EXOC6B: variants seen among roughly 807,000 people sequenced by gnomAD.
EXOC6B encodes the protein SEC15 homolog B.
In EXOC6B, 54 loss-of-function variants were observed where a neutral mutation model predicts 113.5. That is an observed-to-expected ratio of 0.48 (90% CI 0.38 to 0.60). The LOEUF (loss-of-function observed/expected upper bound fraction) is 0.60, where lower values mean the gene tolerates loss of function less well. Among genes scored for constraint, EXOC6B ranks in the 20% least tolerant of loss-of-function variants. The pLI, the probability that EXOC6B is intolerant of heterozygous loss-of-function variation, is 0.00. For missense variants in EXOC6B, 797 were observed against 977.5 expected, an observed-to-expected ratio of 0.82 and a Z score of 2.46; for synonymous variants, 357 against 339.0, an observed-to-expected ratio of 1.05 and a Z score of -0.58.
intron 19 of EXOC6B, among the ~76,000 whole-genome samples, chr2:72,348,807 G>C (rs1025526339): frequency 1.2e-4 from 18 of 152,100 alleles, no homozygotes; most frequent in Admixed American, 1.2e-3. Context: ...TCTTGAGCAA[G>C]GTGGAGGTAT....
intron 18 of EXOC6B, among the ~76,000 whole-genome samples, chr2:72,388,889 A>G (rs1692211845): frequency 6.6e-6 from 1 of 152,104 alleles, no homozygotes; most frequent in Non-Finnish European, 1.5e-5. Flanking sequence ...AATGATTAGT[A>G]TTTGCATGGT....
chr2:72,196,623 T>C (rs1456065120), intron 20 of EXOC6B, among the ~76,000 whole-genome samples: 5 of 152,200 alleles, frequency 3.3e-5, no homozygotes, highest in African/African-American at 4.8e-5. Flanking sequence ...AGGGATCATT[T>C]TTGTTTGTTT....
rs1439373380 is a variant in EXOC6B, at chr2:72,795,913, G to A, written c.113+29885C>T. Among the ~76,000 whole-genome samples the A allele has an allele frequency of 7.9e-5, 12 of 151,982 alleles. No individual in the cohort carries two copies. In the East Asian group the frequency reaches 2.4e-3, roughly 31 times the overall value. On this transcript the variant is annotated intron_variant, in intron 1 of 21. Coordinates refer to ENST00000272427, the MANE Select transcript of EXOC6B (RefSeq NM_015189.3). ...ACAATCTCGGTTAACTGCAACCTCT[G>A]CCTCCCAAGTTCAAGTGATTCTCCT...
chr2:72,774,646 T>A (rs1448624636), intron 1 of EXOC6B, among the ~76,000 whole-genome samples: 1 of 152,192 alleles, frequency 6.6e-6, no homozygotes, highest in Non-Finnish European at 1.5e-5. Context: ...TTATTCATAA[T>A]AGCCAATGAA....
At chr2:72,546,237 T>C (rs1040935547) in intron 8 of EXOC6B, among the ~76,000 whole-genome samples, 8 of 152,138 alleles carry the variant, frequency 5.3e-5, no homozygotes, top group African/African-American at 1.9e-4. Context: ...TCACCTGAAA[T>C]CAAGAGTTGG....
chr2:72,207,483 G>T (rs1214564669), intron 20 of EXOC6B, among the ~76,000 whole-genome samples: 1 of 152,182 alleles, frequency 6.6e-6, no homozygotes, highest in African/African-American at 2.4e-5. Context: ...TATTGAAATA[G>T]TTAATTCACG....
At chr2:72,581,671 T>C (rs1318451695) in intron 6 of EXOC6B, among the ~76,000 whole-genome samples, 1 of 152,160 alleles carries the variant, frequency 6.6e-6, no homozygotes, top group African/African-American at 2.4e-5. Context: ...TTGGGTTGCC[T>C]CCACCTCCCG....
chr2:72,547,963 A>T (rs772054127), intron 8 of EXOC6B, among the ~76,000 whole-genome samples: 7 of 152,146 alleles, frequency 4.6e-5, no homozygotes, highest in Non-Finnish European at 8.8e-5. Context: ...CCAAATCTAA[A>T]CTGTACGTGA....
chr2:72,436,066 T>A (rs1695847875), intron 18 of EXOC6B, among the ~76,000 whole-genome samples: 1 of 152,212 alleles, frequency 6.6e-6, no homozygotes, highest in Non-Finnish European at 1.5e-5. Flanking sequence ...TAGAGCTTCC[T>A]TCAGGAGCTC....
At chr2:72,653,353 C>A (rs1355614924) in intron 6 of EXOC6B, among the ~76,000 whole-genome samples, 83 of 128,082 alleles carry the variant, frequency 6.5e-4, no homozygotes, top group African/African-American at 2.4e-3. Context: ...GGGAATTGAA[C>A]AATGAGAACA....
At chr2:72,470,487 T>C (rs629539) in intron 17 of EXOC6B, among the ~76,000 whole-genome samples, 59,197 of 151,968 alleles carry the variant, frequency 0.39, 17,696 homozygotes, top group African/African-American at 0.84. Context: ...CTTTTTAATA[T>C]TTTAAGTTTT....
At chr2:72,401,463 T>A (rs1573034734) in intron 18 of EXOC6B, among the ~76,000 whole-genome samples, 1 of 118,744 alleles carries the variant, frequency 8.4e-6, no homozygotes, top group Non-Finnish European at 1.7e-5. Flanking sequence ...ACTCCGTATT[T>A]AAAAAAAAAA....
intron 8 of EXOC6B, among the ~76,000 whole-genome samples, chr2:72,534,401 G>GA (rs1281387294): frequency 1.3e-5 from 2 of 151,886 alleles, no homozygotes; most frequent in African/African-American, 2.4e-5. Flanking sequence ...AATTTATATT[G>GA]AAAAAACAGA....
At chr2:72,283,602 T>C (rs967755511) in intron 20 of EXOC6B, among the ~76,000 whole-genome samples, 1 of 152,074 alleles carries the variant, frequency 6.6e-6, no homozygotes, top group Non-Finnish European at 1.5e-5. Flanking sequence ...GTTTTAACTC[T>C]AGGAGGTTGG....
chr2:72,589,846 G>A (rs1705822838), intron 6 of EXOC6B, among the ~76,000 whole-genome samples: 1 of 151,776 alleles, frequency 6.6e-6, no homozygotes, highest in Non-Finnish European at 1.5e-5. Context: ...AAAAAATGAT[G>A]TGTTAGAAAG....
chr2:72,654,142 T>G (rs975276615), intron 6 of EXOC6B, among the ~76,000 whole-genome samples: 8 of 152,164 alleles, frequency 5.3e-5, no homozygotes, highest in Non-Finnish European at 1.0e-4. Flanking sequence ...GCTAATTTTT[T>G]TGTGTTTTTA....
chr2:72,212,751 C>T (rs1048513446), intron 20 of EXOC6B, among the ~76,000 whole-genome samples: 1 of 152,020 alleles, frequency 6.6e-6, no homozygotes, highest in Non-Finnish European at 1.5e-5. Context: ...ATAAAGTGAA[C>T]AAAAAAACTT....
intron 8 of EXOC6B, among the ~76,000 whole-genome samples, chr2:72,556,578 C>T (rs1014059985): frequency 2.6e-5 from 4 of 152,060 alleles, no homozygotes; most frequent in African/African-American, 9.7e-5. Context: ...TGTTGAAAAA[C>T]AAAGTTTATA....
intron 6 of EXOC6B, among the ~76,000 whole-genome samples, chr2:72,604,151 T>C (rs1355228679): frequency 2.0e-5 from 3 of 152,178 alleles, no homozygotes; most frequent in African/African-American, 4.8e-5. Context: ...CTTAACAATT[T>C]AGTGACTCTA....
Sources: allele counts gnomAD v4.1 joint callset (sites outside exome capture counted in the v4.1 genomes callset), GRCh38; gene constraint gnomAD v4.1.1; transcripts MANE v1.5; gene names NCBI Gene and HGNC (gene_info 2026-07-23, HGNC 2026-07-21).